The following ADCY2 variants were observed in gnomAD, a reference collection of about 807,000 sequenced individuals.
The protein encoded by ADCY2 is adenylate cyclase type 2.
A neutral mutation model predicts 125.2 loss-of-function variants in ADCY2; 31 were observed. That is an observed-to-expected ratio of 0.25 (90% confidence interval 0.19 to 0.33). The LOEUF (loss-of-function observed/expected upper bound fraction) is 0.33. Ranked by LOEUF, ADCY2 falls within the 10% of genes least tolerant of loss-of-function variation. ADCY2 has a pLI of 1.00. For missense variants in ADCY2, 904 were observed against 1,418.2 expected, an observed-to-expected ratio of 0.64 and a Z score of 5.82; for synonymous variants, 512 against 548.4, an observed-to-expected ratio of 0.93 and a Z score of 0.93.
chr5:7,525,393 C>T (rs1413310724), intron 3 of ADCY2, among the ~76,000 whole-genome samples: 3 of 152,188 alleles, frequency 2.0e-5, no homozygotes, highest in Non-Finnish European at 4.4e-5. Flanking sequence ...CCTCTTGACA[C>T]ATTCCCACCA....
intron 2 of ADCY2, among the ~76,000 whole-genome samples, chr5:7,465,184 C>G (rs559090886): frequency 5.3e-5 from 8 of 152,168 alleles, no homozygotes; most frequent in Non-Finnish European, 8.8e-5. Context: ...ATTTGGGTGG[C>G]GACACAGCCA....
At chr5:7,416,326 C>A (rs1467995679) in intron 2 of ADCY2, among the ~76,000 whole-genome samples, 1 of 152,086 alleles carries the variant, frequency 6.6e-6, no homozygotes. Context: ...CGGGCGCCAT[C>A]ACCTCTCCTT....
chr5:7,713,320 G>A lies in ADCY2; in HGVS notation c.1622+421G>A, dbSNP rs557766601. ...AGCCTGGCCAACATAACAAAACCACGTCTCTACTAAAAATACAAAAAAAAT... is the reference window on the plus strand; with the variant it reads ...AGCCTGGCCAACATAACAAAACCACATCTCTACTAAAAATACAAAAAAAAT... On this transcript the variant is annotated intron_variant, in intron 11 of 24. Coordinates refer to ENST00000338316, the MANE Select transcript of ADCY2 (RefSeq NM_020546.3). Among the ~76,000 whole-genome samples the A allele has an allele frequency of 2.9e-3, 447 of 151,658 alleles. 2 individuals carry two copies. The highest frequency in any genetic ancestry group is 7.2e-3 in the Admixed American group (110 of 15,220).
At chr5:7,427,389 A>G (rs1740424017) in intron 2 of ADCY2, among the ~76,000 whole-genome samples, 1 of 152,186 alleles carries the variant, frequency 6.6e-6, no homozygotes, top group Admixed American at 6.5e-5. Flanking sequence ...GAAACTTACA[A>G]TCATGGCAGA....
intron 4 of ADCY2, among the ~76,000 whole-genome samples, chr5:7,645,310 G>C (rs933072341): frequency 1.3e-5 from 2 of 152,164 alleles, no homozygotes; most frequent in African/African-American, 4.8e-5. Context: ...GGCCTAAGTG[G>C]TGTGTTCCTG....
chr5:7,405,572 A>G (rs13153351), intron 1 of ADCY2, among the ~76,000 whole-genome samples: 7,023 of 152,268 alleles, frequency 0.046, 198 homozygotes, highest in South Asian at 0.1. Context: ...GGAGTTCAGG[A>G]GCTTGCAAAG....
chr5:7,447,744 A>G (rs1741324285), intron 2 of ADCY2, among the ~76,000 whole-genome samples: 1 of 152,218 alleles, frequency 6.6e-6, no homozygotes, highest in African/African-American at 2.4e-5. Flanking sequence ...AGGGGCTTCC[A>G]GGGCCAAAGG....
At chr5:7,636,904 T>G (rs969325829) in intron 4 of ADCY2, among the ~76,000 whole-genome samples, 1 of 152,130 alleles carries the variant, frequency 6.6e-6, no homozygotes, top group Non-Finnish European at 1.5e-5. Flanking sequence ...GCGGAAGCCA[T>G]GCAGTGAGTT....
At chr5:7,627,479 A>G (rs776588282) in intron 4 of ADCY2, among the ~76,000 whole-genome samples, 1 of 152,128 alleles carries the variant, frequency 6.6e-6, no homozygotes, top group Non-Finnish European at 1.5e-5. Flanking sequence ...GGGTTTGTGT[A>G]TTTCTCACTG....
At position 7,749,515 on chromosome 5, in the gene ADCY2, G is replaced by T. The variant is rs1579388275; in HGVS notation, c.1956+5763G>T. Among the ~76,000 whole-genome samples, 4 of 152,110 alleles carry T rather than the reference G, an allele frequency of 2.6e-5. No individual in the cohort carries two copies. The South Asian group carries it at 8.3e-4, about 32-fold the overall frequency. ...TTAGCAATTAAAAATAGTACTAGTT[G>T]TCATTGTAGCAGTAATAGTAATAAG... On this transcript the variant is annotated intron_variant, in intron 15 of 24. Transcript: ENST00000338316.
intron 3 of ADCY2, among the ~76,000 whole-genome samples, chr5:7,521,192 AG>A (rs1744433653): frequency 6.6e-6 from 1 of 152,312 alleles, no homozygotes; most frequent in Admixed American, 6.5e-5. Flanking sequence ...GATGGTCAAA[AG>A]GTGTTCTTAT....
intron 2 of ADCY2, among the ~76,000 whole-genome samples, chr5:7,420,116 G>A (rs551215582): frequency 2.6e-5 from 4 of 152,258 alleles, no homozygotes; most frequent in South Asian, 2.1e-4. Context: ...CAGCTTGGTC[G>A]GGTATGGGGG....
intron 4 of ADCY2, among the ~76,000 whole-genome samples, chr5:7,652,195 A>G (rs1739120249): frequency 6.6e-6 from 1 of 152,212 alleles, no homozygotes; most frequent in South Asian, 2.1e-4. Context: ...AAACTGATCA[A>G]CAGAACTATG....
rs566631847 is a variant in ADCY2 at position 7,776,249 on chromosome 5, C to G, written c.2384+3148C>G. 2.0e-3 allele frequency among the ~76,000 whole-genome samples: 280 copies of G among 139,954 alleles called. 3 individuals are homozygous for G. Among genetic ancestry groups the G allele is most frequent in the African/African-American group, 7.1e-3 (274 of 38,638 alleles). 91.8% of individuals were successfully genotyped at this position (139,954 alleles called of 152,430 possible). Reference sequence around the variant, plus strand: ...AACATGATGCCTTGAGAGTGAACATCACTTAATCCAAAGCCAGAGGTGCCT... The same window carrying G: ...AACATGATGCCTTGAGAGTGAACATGACTTAATCCAAAGCCAGAGGTGCCT... On this transcript the variant is annotated intron_variant, in intron 18 of 24. Transcript: ENST00000338316.
intron 4 of ADCY2, among the ~76,000 whole-genome samples, chr5:7,657,869 G>A (rs974498018): frequency 2.6e-5 from 4 of 152,100 alleles, no homozygotes; most frequent in African/African-American, 4.8e-5. Context: ...TAGTTCTCCC[G>A]AAAAGCCATA....
At chr5:7,432,900 A>ATATACTGCTTATTGTACATGT (rs33992168) in intron 2 of ADCY2, among the ~76,000 whole-genome samples, 1 of 151,422 alleles carries the variant, frequency 6.6e-6, no homozygotes, top group Non-Finnish European at 1.5e-5. Context: ...CAATTTCAAC[A>ATATACTGCTTATTGTACATGT]TGTACTGCTT....
chr5:7,666,091 G>T (rs1171745988), intron 4 of ADCY2, among the ~76,000 whole-genome samples: 4 of 151,532 alleles, frequency 2.6e-5, no homozygotes, highest in Non-Finnish European at 2.9e-5. Context: ...GCCCGCCTTG[G>T]CCTCCCAAAG....
At chr5:7,687,181 C>T (rs1740547183) in intron 4 of ADCY2, among the ~76,000 whole-genome samples, 1 of 152,148 alleles carries the variant, frequency 6.6e-6, no homozygotes, top group African/African-American at 2.4e-5. Context: ...ATTTTTTAAA[C>T]CACCTATTAA....
intron 10 of ADCY2, 38 bp from the exon 11 acceptor site, chr5:7,712,818 C>T: frequency 6.9e-7 from 1 of 1,444,100 alleles, no homozygotes. Context: ...CTTCTTGAAA[C>T]ATGTTTTGAC....
Sources: allele counts gnomAD v4.1 joint callset (sites outside exome capture counted in the v4.1 genomes callset), GRCh38; gene constraint gnomAD v4.1.1; transcripts MANE v1.5; gene names NCBI Gene and HGNC (gene_info 2026-07-23, HGNC 2026-07-21).